Variants in ERGIC1 observed in about 807,000 individuals in gnomAD.
ERGIC1 encodes the protein endoplasmic reticulum-golgi intermediate compartment 1, also known as endoplasmic reticulum-Golgi intermediate compartment protein 1.
ERGIC1 carries 19 observed loss-of-function variants against 38.3 expected under a neutral mutation model. The ratio of observed to expected loss-of-function variants is 0.50; its 90% CI spans 0.35 to 0.73. The LOEUF is 0.73. Ranked by LOEUF, ERGIC1 falls within the 30% of genes least tolerant of loss-of-function variation. The pLI is 0.01. For missense variants in ERGIC1, 294 were observed against 389.2 expected (o/e 0.76, Z 2.06); for synonymous variants, 124 against 157.6 (o/e 0.79, Z 1.60).
At chr5:172,930,722 C>G (rs975959404) in intron 7 of ERGIC1, among the ~76,000 whole-genome samples, 7 of 152,100 alleles carry the variant, frequency 4.6e-5, no homozygotes, top group African/African-American at 7.2e-5. Context: ...AGTTTTTAAC[C>G]TAGGGCAATG....
intron 1 of ERGIC1, among the ~76,000 whole-genome samples, chr5:172,847,849 A>G (rs1470056852): frequency 6.6e-6 from 1 of 152,184 alleles, no homozygotes; most frequent in Non-Finnish European, 1.5e-5. Context: ...TCTTTGAATT[A>G]ATCAGGTTTT....
chr5:172,862,748 ACTC>A (rs1761747782), intron 1 of ERGIC1, among the ~76,000 whole-genome samples: 1 of 152,006 alleles, frequency 6.6e-6, no homozygotes, highest in Non-Finnish European at 1.5e-5. Flanking sequence ...ACCTACATCT[ACTC>A]CTACTGTTAT....
intron 7 of ERGIC1, among the ~76,000 whole-genome samples, chr5:172,930,300 G>A (rs1763749131): frequency 6.6e-6 from 1 of 151,958 alleles, no homozygotes. Context: ...TCTGAGGATG[G>A]TGAATTTATG....
chr5:172,838,551 C>T (rs1761086020), intron 1 of ERGIC1, among the ~76,000 whole-genome samples: 1 of 152,162 alleles, frequency 6.6e-6, no homozygotes, highest in Non-Finnish European at 1.5e-5. Context: ...CTGATTTCAA[C>T]CTTCAAATGG....
chr5:172,834,543 G>C lies in ERGIC1; in HGVS notation c.20+110G>C, dbSNP rs914814425. On this transcript the variant is annotated intron_variant, in intron 1 of 9. Transcript: ENST00000393784. This position sits in a 1 kb window ranked among gnomAD's most constrained non-coding sequence, Gnocchi z 4.1. Reference sequence around the variant, plus strand: ...GCATGCAAAAGCGGCTCCCCGCCCTGTGCATGCCTCCGCAGGCCCCTAGGG... The same window carrying C: ...GCATGCAAAAGCGGCTCCCCGCCCTCTGCATGCCTCCGCAGGCCCCTAGGG... 534 of 1,101,246 alleles carry C rather than the reference G, an allele frequency of 4.8e-4. 1 individual carries two copies. Among genetic ancestry groups the C allele is most frequent in the Non-Finnish European group, 5.4e-4 (475 of 873,264 alleles). The allele number at this position is 1,101,246 out of a possible 1,614,324, so 68.2% of individuals were successfully genotyped here.
intron 1 of ERGIC1, among the ~76,000 whole-genome samples, chr5:172,845,533 A>G (rs1056326426): frequency 2.0e-5 from 3 of 152,216 alleles, no homozygotes; most frequent in African/African-American, 7.2e-5. Flanking sequence ...CCTGTGTGCC[A>G]GGTATCATTC....
chr5:172,838,898 A>G lies in ERGIC1; in HGVS notation c.20+4465A>G, dbSNP rs1335751351. Among the ~76,000 whole-genome samples the G allele has an allele frequency of 3.9e-5, 6 of 152,228 alleles. No homozygotes were observed. In the East Asian group the frequency reaches 1.2e-3, roughly 29 times the overall value. ...GTATTTCTACCCTGCTGTTTCTTCC[A>G]GAAAGAATTCCAAGGAAGCTGACAA... On this transcript the variant is annotated intron_variant, in intron 1 of 9. Coordinates refer to ENST00000393784, the MANE Select transcript of ERGIC1 (RefSeq NM_001031711.3).
At chr5:172,873,390 C>T (rs183092221) in intron 1 of ERGIC1, among the ~76,000 whole-genome samples, 21 of 152,358 alleles carry the variant, frequency 1.4e-4, no homozygotes, top group Non-Finnish European at 2.4e-4. Context: ...CTGAGCTCAT[C>T]TGTCTGTTGC....
In ERGIC1 at chr5:172,914,841, A is replaced by T. The variant is rs776405560; in HGVS notation, c.375+3A>T. 59 of 1,613,968 alleles carry T rather than the reference A, an allele frequency of 3.7e-5. No homozygotes were observed. The highest frequency in any genetic ancestry group is 4.9e-5 in the Non-Finnish European group (58 of 1,180,012). ...AGGGGCAGTTCAGCATCAACAAGGT[A>T]TGGAAGCCCTGCCTCAGCCCTTTCT... On this transcript the variant is annotated splice_donor_region_variant and intron_variant, in intron 5 of 9. Transcript: ENST00000393784.
chr5:172,855,408 AGTCATGT>A (rs1313317941), intron 1 of ERGIC1, among the ~76,000 whole-genome samples: 2 of 152,148 alleles, frequency 1.3e-5, no homozygotes, highest in Non-Finnish European at 2.9e-5. Context: ...TTGCTCACTC[AGTCATGT>A]AAGAGATGTC....
intron 8 of ERGIC1, chr5:172,932,773 G>A (rs111605031): frequency 3.4e-5 from 18 of 536,844 alleles, no homozygotes; most frequent in Admixed American, 9.5e-5. Context: ...GGTGTGATGC[G>A]TTTGACAAAG....
chr5:172,947,570 C>T (rs1309142999), intron 9 of ERGIC1, among the ~76,000 whole-genome samples: 3 of 152,166 alleles, frequency 2.0e-5, no homozygotes, highest in East Asian at 1.9e-4. Flanking sequence ...TCAACAGATG[C>T]GGGGTGATGG....
intron 1 of ERGIC1, among the ~76,000 whole-genome samples, chr5:172,850,799 G>A (rs1761383831): frequency 6.6e-6 from 1 of 152,136 alleles, no homozygotes; most frequent in Non-Finnish European, 1.5e-5. Context: ...GCAAACTGGT[G>A]GCATCAGAGG....
At chr5:172,906,010 G>A (rs1237858791) in intron 3 of ERGIC1, 2 of 455,254 alleles carry the variant, frequency 4.4e-6, no homozygotes, top group East Asian at 6.9e-5. Flanking sequence ...GTTTAAAGGT[G>A]GGAGTGGTCA....
At chr5:172,946,265 G>A (rs920766144) in intron 9 of ERGIC1, among the ~76,000 whole-genome samples, 2 of 152,216 alleles carry the variant, frequency 1.3e-5, no homozygotes, top group Non-Finnish European at 2.9e-5. Context: ...GGAACTAAGT[G>A]TCACGACTGC....
At chr5:172,850,023 T>G (rs900553506) in intron 1 of ERGIC1, among the ~76,000 whole-genome samples, 2 of 152,166 alleles carry the variant, frequency 1.3e-5, no homozygotes, top group Non-Finnish European at 2.9e-5. Flanking sequence ...CGTGATCTGA[T>G]CTAGTGTTGG....
Position 172,897,443 on chromosome 5 carries a change from A to AAGAG in ERGIC1, c.155+378_155+381dup, listed in dbSNP as rs71579705. Among the ~76,000 whole-genome samples the AAGAG allele has an allele frequency of 5.7e-3, 814 of 142,108 alleles. 18 individuals are homozygous for AAGAG. The highest frequency in any genetic ancestry group is 7.8e-3 in the African/African-American group (286 of 36,868). The allele number at this position is 142,108 out of a possible 152,430, so 93.2% of individuals were successfully genotyped here. A position where few individuals can be genotyped will look rare whatever the true frequency, so the allele number is the denominator to read the frequency against. On this transcript the variant is annotated intron_variant, in intron 3 of 9. Transcript: ENST00000393784. ...GACCCTGTTTCAAAAAAAAAAAAAA[A>AAGAG]AGAGAGAGAGAGGAGTCTTAAAAAG...
chr5:172,948,885 C>G (rs1288427236), intron 9 of ERGIC1, among the ~76,000 whole-genome samples: 1 of 151,994 alleles, frequency 6.6e-6, no homozygotes, highest in Admixed American at 6.6e-5. Context: ...CTCACCTCTA[C>G]AAATTAAAAA....
At chr5:172,920,566 T>A in intron 5 of ERGIC1, 2 of 643,690 alleles carry the variant, frequency 3.1e-6, no homozygotes, top group South Asian at 3.4e-5. Context: ...AGTCACAGGC[T>A]CTAAAAGCGT....
Sources: allele counts gnomAD v4.1 joint callset (sites outside exome capture counted in the v4.1 genomes callset), GRCh38; gene constraint gnomAD v4.1.1; non-coding constraint Gnocchi (gnomAD v3.1); transcripts MANE v1.5; gene names NCBI Gene and HGNC (gene_info 2026-07-23, HGNC 2026-07-21).